PEX14: variants seen among roughly 807,000 people sequenced by gnomAD.
PEX14 encodes peroxisomal membrane protein PEX14.
A neutral mutation model predicts 49.5 loss-of-function variants in PEX14; 15 were observed. That is an observed-to-expected ratio of 0.30 (90% CI 0.20 to 0.47). The LOEUF is 0.47. Ranked by LOEUF, PEX14 falls within the 20% of genes least tolerant of loss-of-function variation. The pLI is 1.00. For missense variants in PEX14, 398 were observed against 494.8 expected (o/e 0.80, Z 1.86); for synonymous variants, 210 against 212.7 (o/e 0.99, Z 0.11).
chr1:10,588,268 C>G (rs1010888673), intron 3 of PEX14, among the ~76,000 whole-genome samples: 12 of 152,000 alleles, frequency 7.9e-5, no homozygotes, highest in Non-Finnish European at 1.0e-4. Flanking sequence ...ATTTGAAATC[C>G]TGGACTCAAG....
chr1:10,476,641 G>A (rs1557800866), intron 1 of PEX14, among the ~76,000 whole-genome samples: 1 of 152,058 alleles, frequency 6.6e-6, no homozygotes, highest in African/African-American at 2.4e-5. Context: ...ACGGGTGCCT[G>A]CCACCACACC....
intron 4 of PEX14, among the ~76,000 whole-genome samples, chr1:10,609,689 A>G (rs1641222298): frequency 6.6e-6 from 1 of 152,156 alleles, no homozygotes; most frequent in Admixed American, 6.5e-5. Flanking sequence ...GTTCGAGACC[A>G]GCCTGGCCAA....
chr1:10,499,876 G>A (rs905613470), intron 2 of PEX14, among the ~76,000 whole-genome samples: 47 of 152,060 alleles, frequency 3.1e-4, no homozygotes, highest in African/African-American at 1.1e-3. Flanking sequence ...TCTAGGTTGC[G>A]TCTCAGTAGT....
At chr1:10,491,378 A>G (rs962624748) in intron 1 of PEX14, among the ~76,000 whole-genome samples, 4 of 152,046 alleles carry the variant, frequency 2.6e-5, no homozygotes, top group African/African-American at 9.7e-5. Context: ...ATGCATACAC[A>G]TGCACCCTTT....
intron 3 of PEX14, among the ~76,000 whole-genome samples, chr1:10,559,089 C>T (rs1196677340): frequency 6.6e-6 from 1 of 152,100 alleles, no homozygotes; most frequent in Non-Finnish European, 1.5e-5. Flanking sequence ...TTCTCAGTAG[C>T]ATATCACATG....
At chr1:10,571,882 A>C (rs1265206187) in intron 3 of PEX14, among the ~76,000 whole-genome samples, 1 of 152,220 alleles carries the variant, frequency 6.6e-6, no homozygotes, top group African/African-American at 2.4e-5. Context: ...CCATAATTTA[A>C]AAATTTTCAG....
At chr1:10,482,847 T>C (rs916267938) in intron 1 of PEX14, among the ~76,000 whole-genome samples, 1 of 152,252 alleles carries the variant, frequency 6.6e-6, no homozygotes, top group African/African-American at 2.4e-5. Context: ...TGTGCATTTC[T>C]GGTGAGTTCA....
At chr1:10,627,212 C>A in intron 7 of PEX14, 60 bp from the exon 8 acceptor site, 2 of 1,163,754 alleles carry the variant, frequency 1.7e-6, no homozygotes, top group South Asian at 1.2e-5. Context: ...CTCCTGCAGC[C>A]GCAGGCCCCG....
At chr1:10,547,489 C>T (rs1410159793) in intron 3 of PEX14, among the ~76,000 whole-genome samples, 1 of 152,138 alleles carries the variant, frequency 6.6e-6, no homozygotes, top group East Asian at 1.9e-4. Flanking sequence ...AGGAGACGTT[C>T]CAAGACCTCC....
intron 3 of PEX14, among the ~76,000 whole-genome samples, chr1:10,586,628 C>CTTTTTTTTTTT (rs35743829): frequency 2.1e-5 from 2 of 93,050 alleles, no homozygotes; most frequent in Non-Finnish European, 4.5e-5. Context: ...AGCCGTTTAC[C>CTTTTTTTTTTT]TTTTTTTTTT....
At position 10,493,372 on chromosome 1, in the gene PEX14, C is replaced by T. The variant is rs906610643; in HGVS notation, c.37-1902C>T. Among the ~76,000 whole-genome samples the T allele has an allele frequency of 1.1e-4, 17 of 152,246 alleles. 1 individual carries two copies. The highest frequency in any genetic ancestry group is 4.1e-4 in the African/African-American group (17 of 41,554). On this transcript the variant is annotated intron_variant, in intron 1 of 8. Coordinates refer to ENST00000356607, the MANE Select transcript of PEX14 (RefSeq NM_004565.3). ...TGGTCCAGGCAGGGGATTTTGGTAGCTTGGACTGAAGTGATGGCAGTAGAG... is the reference window on the plus strand; with the variant it reads ...TGGTCCAGGCAGGGGATTTTGGTAGTTTGGACTGAAGTGATGGCAGTAGAG...
Position 10,630,185 on chromosome 1 carries a change from C to T in PEX14, c.*198C>T. The stretch of plus-strand genomic sequence containing the variant: ...ACCTGGCCTCCTCTCGCCTGGCCGC[C>T]AGCCCCAGCCCCAGCCCCAGCCCCA... On this transcript the variant is annotated 3_prime_UTR_variant, in exon 9 of 9. Coordinates refer to ENST00000356607, the MANE Select transcript of PEX14 (RefSeq NM_004565.3). This position sits in a 1 kb window ranked among gnomAD's most constrained non-coding sequence, Gnocchi z 4.1. 1.5e-6 allele frequency: 1 copy of T among 683,176 alleles called. No homozygotes were observed. Among genetic ancestry groups the T allele is most frequent in the Non-Finnish European group, 2.4e-6 (1 of 416,264 alleles). The allele number at this position is 683,176 out of a possible 1,614,324, so 42.3% of individuals were successfully genotyped here.
At chr1:10,605,850 C>T (rs74052154) in intron 4 of PEX14, among the ~76,000 whole-genome samples, 3,523 of 152,136 alleles carry the variant, frequency 0.023, 132 homozygotes, top group African/African-American at 0.079. Flanking sequence ...TTCTTTTGTC[C>T]GTGGTGCCGG....
intron 3 of PEX14, among the ~76,000 whole-genome samples, chr1:10,558,487 C>T (rs562708134): frequency 1.3e-5 from 2 of 152,004 alleles, no homozygotes; most frequent in East Asian, 3.9e-4. Flanking sequence ...GTAATCCCAG[C>T]ACTTTGGGAG....
intron 2 of PEX14, among the ~76,000 whole-genome samples, chr1:10,525,649 G>A (rs1056180803): frequency 2.6e-5 from 4 of 152,066 alleles, no homozygotes; most frequent in African/African-American, 9.7e-5. Context: ...TCTTCAAAAT[G>A]GAGTGTCACT....
At chr1:10,546,152 A>T (rs929281632) in intron 3 of PEX14, among the ~76,000 whole-genome samples, 5 of 152,248 alleles carry the variant, frequency 3.3e-5, no homozygotes, top group East Asian at 3.8e-4. Context: ...AACAATCATC[A>T]ATAGTATATG....
intron 3 of PEX14, among the ~76,000 whole-genome samples, chr1:10,572,718 A>G (rs1029359824): frequency 4.0e-5 from 6 of 150,962 alleles, no homozygotes; most frequent in African/African-American, 1.5e-4. Context: ...TTGTATTTTT[A>G]GTACAGATGG....
intron 3 of PEX14, 24 bp from the exon 4 acceptor site, chr1:10,599,214 G>T: frequency 6.2e-7 from 1 of 1,613,532 alleles, no homozygotes; most frequent in Non-Finnish European, 8.5e-7. Context: ...GTACTCACCT[G>T]CAATGATGTC....
intron 3 of PEX14, among the ~76,000 whole-genome samples, chr1:10,571,782 C>T (rs1639985813): frequency 6.6e-6 from 1 of 152,044 alleles, no homozygotes; most frequent in Admixed American, 6.6e-5. Flanking sequence ...GCACTCCAGC[C>T]CGGGCAACAG....
Sources: gnomAD v4.1 joint callset for allele counts (sites outside exome capture counted in the v4.1 genomes callset) on GRCh38, gnomAD v4.1.1 for gene constraint, Gnocchi (gnomAD v3.1) non-coding constraint, MANE v1.5 for transcripts, NCBI Gene and HGNC (gene_info 2026-07-23, HGNC 2026-07-21) for gene names.